SFMBT2: variants seen among roughly 807,000 people sequenced by gnomAD.
SFMBT2 encodes the protein scm-like with four MBT domains protein 2.
In SFMBT2, 38 loss-of-function variants were observed where a neutral mutation model predicts 110.1. The observed-to-expected ratio is 0.35, with a 90% confidence interval of 0.27 to 0.45. The LOEUF (loss-of-function observed/expected upper bound fraction) is 0.45. Among genes scored for constraint, SFMBT2 ranks in the 20% least tolerant of loss-of-function variants. The probability of loss-of-function intolerance (pLI) is 1.00; values close to 1 mark genes in which losing one functional copy is unlikely to be tolerated. For synonymous variants in SFMBT2, 425 were observed against 425.4 expected (o/e 1.00, Z 0.01); for missense variants, 1,011 against 1,094.9 (o/e 0.92, Z 1.08).
chr10:7,221,777 T>C (rs913270960), intron 10 of SFMBT2, among the ~76,000 whole-genome samples: 18 of 152,284 alleles, frequency 1.2e-4, no homozygotes, highest in Admixed American at 9.2e-4. Context: ...CATTTTTACA[T>C]AGAGTAAAAT....
At chr10:7,282,020 A>AT (rs1390153284) in intron 6 of SFMBT2, among the ~76,000 whole-genome samples, 3 of 151,260 alleles carry the variant, frequency 2.0e-5, no homozygotes, top group Non-Finnish European at 2.9e-5. Context: ...AGTTTTTTCT[A>AT]TTTTTTTCAG....
At chr10:7,176,508 G>A (rs886337362) in intron 16 of SFMBT2, 19 of 985,206 alleles carry the variant, frequency 1.9e-5, no homozygotes, top group African/African-American at 3.5e-5. Flanking sequence ...TAGTGAAATC[G>A]AATGGGTATT....
At chr10:7,360,174 G>T (rs900650162) in intron 4 of SFMBT2, among the ~76,000 whole-genome samples, 3 of 150,856 alleles carry the variant, frequency 2.0e-5, no homozygotes, top group Non-Finnish European at 4.5e-5. Flanking sequence ...GATGACCAAA[G>T]AGAGTGTGTG....
intron 7 of SFMBT2, among the ~76,000 whole-genome samples, chr10:7,252,084 CTAAGCCCT>C (rs1344145112): frequency 6.6e-6 from 1 of 152,236 alleles, no homozygotes; most frequent in East Asian, 1.9e-4. Context: ...ACCCATAACC[CTAAGCCCT>C]TTCTACATCG....
intron 11 of SFMBT2, 25 bp downstream of exon 11, chr10:7,220,375 TCCCCCCAGCGA>T: frequency 6.3e-7 from 1 of 1,599,224 alleles, no homozygotes; most frequent in Middle Eastern, 1.7e-4. Context: ...AACTCTACAT[TCCCCCCAGCGA>T]CTGCTACCCC....
chr10:7,179,013 T>C (rs555508660), intron 16 of SFMBT2, among the ~76,000 whole-genome samples: 1 of 152,282 alleles, frequency 6.6e-6, no homozygotes, highest in Non-Finnish European at 1.5e-5. Flanking sequence ...AAAATACTTT[T>C]CCACTAATAA....
At chr10:7,192,384 C>T (rs1193083132) in intron 15 of SFMBT2, among the ~76,000 whole-genome samples, 4 of 152,186 alleles carry the variant, frequency 2.6e-5, no homozygotes, top group Admixed American at 6.5e-5. Context: ...GATAAACTTA[C>T]GACTGCTTCG....
chr10:7,174,095 C>CA (rs1588765242), intron 17 of SFMBT2, among the ~76,000 whole-genome samples: 1 of 152,208 alleles, frequency 6.6e-6, no homozygotes, highest in African/African-American at 2.4e-5. Flanking sequence ...CTGTAACTCC[C>CA]AGGAGGCACA....
At chr10:7,192,374 G>A (rs533654431) in intron 15 of SFMBT2, among the ~76,000 whole-genome samples, 8 of 152,208 alleles carry the variant, frequency 5.3e-5, no homozygotes, top group Non-Finnish European at 7.4e-5. Context: ...GGGTGTTACC[G>A]ATAAACTTAC....
chr10:7,244,918 TC>T (rs2131723036), intron 8 of SFMBT2, among the ~76,000 whole-genome samples: 1 of 152,296 alleles, frequency 6.6e-6, no homozygotes, highest in Admixed American at 6.5e-5. Context: ...TGAGGTCATG[TC>T]CGAGAGCCCT....
intron 4 of SFMBT2, among the ~76,000 whole-genome samples, chr10:7,295,564 C>A (rs980417930): frequency 2.0e-5 from 3 of 152,216 alleles, no homozygotes; most frequent in Admixed American, 6.5e-5. Context: ...ATTGCACAGA[C>A]CTTTCACTAA....
chr10:7,292,830 T>C (rs1180279269), intron 4 of SFMBT2, among the ~76,000 whole-genome samples: 1 of 151,910 alleles, frequency 6.6e-6, no homozygotes, highest in Non-Finnish European at 1.5e-5. Context: ...CCGTCTCTAC[T>C]AAAAATAGAA....
intron 4 of SFMBT2, among the ~76,000 whole-genome samples, chr10:7,309,126 A>G (rs1332402866): frequency 2.0e-5 from 3 of 152,232 alleles, no homozygotes; most frequent in African/African-American, 4.8e-5. Flanking sequence ...TAGACTGAGT[A>G]AAGTGGACAG....
chr10:7,250,404 G>T (rs1041354510), intron 7 of SFMBT2, among the ~76,000 whole-genome samples: 1 of 114,110 alleles, frequency 8.8e-6, no homozygotes, highest in African/African-American at 3.4e-5. Flanking sequence ...CCATGTTGCT[G>T]CAAAGAACAT....
At chr10:7,359,547 A>G (rs987807801) in intron 4 of SFMBT2, among the ~76,000 whole-genome samples, 1 of 152,364 alleles carries the variant, frequency 6.6e-6, no homozygotes, top group South Asian at 2.1e-4. Flanking sequence ...GCAGGAGAAA[A>G]TAAATTCATT....
intron 12 of SFMBT2, 118 bp downstream of exon 12, chr10:7,205,697 G>A: frequency 2.1e-6 from 3 of 1,423,510 alleles, no homozygotes; most frequent in Non-Finnish European, 2.8e-6. Context: ...GTTCTTGGTG[G>A]AAAATCAAAA....
At chr10:7,276,304 T>A (rs1195956509) in intron 7 of SFMBT2, among the ~76,000 whole-genome samples, 2 of 152,210 alleles carry the variant, frequency 1.3e-5, no homozygotes, top group African/African-American at 4.8e-5. Context: ...TTGCTATATT[T>A]CCTTTTGTTT....
rs568918686 is a variant in SFMBT2 at position 7,163,119 on chromosome 10, T to G, written c.*651A>C. 1 of 114,332 alleles carries G rather than the reference T, an allele frequency of 8.7e-6. No individual in the cohort carries two copies. The highest frequency in any genetic ancestry group is 1.9e-5 in the Non-Finnish European group (1 of 52,624). The allele number at this position is 114,332 out of a possible 1,614,324, so 7.1% of individuals were successfully genotyped here. On this transcript the variant is annotated 3_prime_UTR_variant, in exon 21 of 21. Transcript: ENST00000397167. This position sits in a 1 kb window ranked among gnomAD's most constrained non-coding sequence, Gnocchi z 4.8. ...CCCTGTCTCAAAAAACACAACAAAA[T>G]GAACAACAAACAAACAAACAAACAA...
chr10:7,205,792 C>G (rs935573599), intron 12 of SFMBT2, 23 bp downstream of exon 12: 3 of 1,609,504 alleles, frequency 1.9e-6, no homozygotes, highest in South Asian at 1.1e-5. Flanking sequence ...TCATCCACCC[C>G]CCCTCAACTG....
Sources: allele counts gnomAD v4.1 joint callset (sites outside exome capture counted in the v4.1 genomes callset), GRCh38; gene constraint gnomAD v4.1.1; non-coding constraint Gnocchi (gnomAD v3.1); transcripts MANE v1.5; gene names NCBI Gene and HGNC (gene_info 2026-07-23, HGNC 2026-07-21).